The following POLR3E variants were observed in gnomAD, a reference collection of about 807,000 sequenced individuals.
The protein encoded by POLR3E is DNA-directed RNA polymerase III subunit RPC5.
Under a neutral mutation model 96.6 loss-of-function variants are expected in POLR3E, and 41 were observed. The observed-to-expected ratio is 0.42, with a 90% confidence interval of 0.33 to 0.55. POLR3E has a LOEUF of 0.55. Ranked by LOEUF, POLR3E falls within the 20% of genes least tolerant of loss-of-function variation. POLR3E has a pLI of 0.06. For missense variants in POLR3E, 849 were observed against 952.1 expected, an observed-to-expected ratio of 0.89 and a Z score of 1.43; for synonymous variants, 396 against 383.6, an observed-to-expected ratio of 1.03 and a Z score of -0.38.
chr16:22,329,461 C>T (rs899538038), intron 19 of POLR3E, among the ~76,000 whole-genome samples: 5 of 152,006 alleles, frequency 3.3e-5, no homozygotes, highest in Middle Eastern at 3.2e-3. Flanking sequence ...ATTTGATGGT[C>T]GAAACGCCAG....
intron 18 of POLR3E, chr16:22,328,057 A>G (rs1030912418): frequency 2.9e-5 from 5 of 169,966 alleles, no homozygotes; most frequent in Admixed American, 2.4e-4. Flanking sequence ...GACATGGTAC[A>G]TGTGGGAAGC....
chr16:22,310,440 C>T (rs1432213176), intron 6 of POLR3E: 2 of 152,132 alleles, frequency 1.3e-5, no homozygotes, highest in Middle Eastern at 3.1e-3. Context: ...ACATGCACCA[C>T]CACACCTGGC....
chr16:22,298,628 A>G (rs1029339884), intron 1 of POLR3E, among the ~76,000 whole-genome samples: 5 of 152,214 alleles, frequency 3.3e-5, no homozygotes, highest in East Asian at 1.9e-4. Context: ...GCCGTTTATC[A>G]GAAAACCGTG....
At chr16:22,302,780 T>C in intron 1 of POLR3E, 151 bp from the exon 2 acceptor site, 2 of 689,424 alleles carry the variant, frequency 2.9e-6, no homozygotes, top group Non-Finnish European at 5.3e-6. Flanking sequence ...ATAGGGTTGG[T>C]CATCCATTGT....
chr16:22,305,560 T>C, intron 3 of POLR3E: 1 of 487,764 alleles, frequency 2.1e-6, no homozygotes. Context: ...TGATAATGCC[T>C]GCCTCATAGG....
rs1428620934 is a variant in POLR3E at position 22,310,087 on chromosome 16, A to G, written c.364+577A>G. 1.9e-5 allele frequency: 3 copies of G among 155,798 alleles called. No individual in the cohort carries two copies. The South Asian group carries it at 5.9e-4, about 31-fold the overall frequency. The allele number at this position is 155,798 out of a possible 1,614,324, so 9.7% of individuals were successfully genotyped here. On this transcript the variant is annotated intron_variant, in intron 6 of 20. Transcript: ENST00000299853. ...CCTTGAGAACATTGTGCTAAGTGAA[A>G]GAAGCCACATGCTTCTTCACTCGCA...
chr16:22,325,808 A>C lies in POLR3E; in HGVS notation c.1396A>C (p.Thr466Pro). The part of the protein sequence containing the change: ...CGDQRIQVAK[T>P]KAQQNHALLE... ...GGACCAGCGGATCCAAGTAGCCAAA[A>C]CCAAGGCCCAGCAGAACCACGCGTT... The change falls in exon 18 of 21, where the codon ACC becomes CCC. Residue 466 changes from threonine to proline, a missense_variant. Thr to Pro is a conservative substitution (Grantham distance 38). Transcript: ENST00000299853. 2 of 1,604,956 alleles carry C rather than the reference A, an allele frequency of 1.2e-6. No individual in the cohort carries two copies. The highest frequency in any genetic ancestry group is 1.7e-6 in the Non-Finnish European group (2 of 1,176,074).
intron 3 of POLR3E, among the ~76,000 whole-genome samples, chr16:22,307,350 T>A (rs1453273298): frequency 2.6e-5 from 4 of 152,092 alleles, no homozygotes; most frequent in African/African-American, 9.7e-5. Flanking sequence ...TTTTAGGAAA[T>A]GACCGTCTCC....
chr16:22,303,889 G>T (rs948881678), intron 2 of POLR3E, among the ~76,000 whole-genome samples: 4 of 141,682 alleles, frequency 2.8e-5, no homozygotes, highest in Non-Finnish European at 6.0e-5. Context: ...TTGGCTCACC[G>T]CAGTCTCTGC....
intron 18 of POLR3E, chr16:22,326,589 G>A (rs1487079159): frequency 1.2e-5 from 6 of 492,660 alleles, no homozygotes; most frequent in African/African-American, 1.9e-5. Context: ...CCCCCACCAA[G>A]AACACCTGTT....
chr16:22,316,810 C>A, intron 10 of POLR3E, 124 bp downstream of exon 10: 1 of 987,782 alleles, frequency 1.0e-6, no homozygotes, highest in Non-Finnish European at 1.6e-6. Flanking sequence ...CCATTGTCCC[C>A]TGGAGAAGGC....
chr16:22,333,515 T>C lies in POLR3E; in HGVS notation c.2071-129T>C, dbSNP rs982331135. 2.5e-5 allele frequency: 17 copies of C among 674,602 alleles called. No homozygotes were observed. In the African/African-American group the frequency reaches 2.8e-4, roughly 11 times the overall value. 41.8% of individuals were successfully genotyped at this position (674,602 alleles called of 1,614,324 possible). A position where few individuals can be genotyped will look rare whatever the true frequency, so the allele number is the denominator to read the frequency against. On this transcript the variant is annotated intron_variant, in intron 20 of 20. Coordinates refer to ENST00000299853, the MANE Select transcript of POLR3E (RefSeq NM_018119.4). ...GCTGGTAGTAGCCATGGTGGTATGGTTAGGCAGTTTTTGATTTCCCATTTG... is the reference window on the plus strand; with the variant it reads ...GCTGGTAGTAGCCATGGTGGTATGGCTAGGCAGTTTTTGATTTCCCATTTG...
rs780743552 is a variant in POLR3E, at chr16:22,326,297, G to T, written c.1866+19G>T. 8.1e-4 allele frequency: 479 copies of T among 588,692 alleles called. 1 individual carries two copies. Among genetic ancestry groups the T allele is most frequent in the Non-Finnish European group, 1.4e-3 (461 of 339,518 alleles). 36.5% of individuals were successfully genotyped at this position (588,692 alleles called of 1,614,324 possible). On this transcript the variant is annotated intron_variant, in intron 18 of 20. Transcript: ENST00000299853. ...GGTGCCTGTAAGTAGAGCCCTGCCT[G>T]CCAGGGGCATGGGGGGTGGGGGGTG...
At chr16:22,326,761 T>C (rs2048604123) in intron 18 of POLR3E, 1 of 192,202 alleles carries the variant, frequency 5.2e-6, no homozygotes, top group Non-Finnish European at 1.1e-5. Flanking sequence ...CTCAGTATAG[T>C]GGCCTGGAGT....
chr16:22,307,261 C>G (rs1224056762), intron 3 of POLR3E, among the ~76,000 whole-genome samples: 1 of 152,200 alleles, frequency 6.6e-6, no homozygotes, highest in South Asian at 2.1e-4. Context: ...TTCCCACCCC[C>G]AGTCAGGTGA....
chr16:22,325,406 C>G lies in POLR3E; in HGVS notation c.1348+140C>G, dbSNP rs776855129. 1.3e-3 allele frequency: 1,002 copies of G among 748,474 alleles called. 11 individuals carry two copies. The highest frequency in any genetic ancestry group is 3.3e-4 in the Middle Eastern group (1 of 3,044). 46.4% of individuals were successfully genotyped at this position (748,474 alleles called of 1,614,324 possible). ...TTCACCCTTCACCCTCCTTCCTTTC[C>G]TGCCACCCACAGACCGCAGCTGGTC... On this transcript the variant is annotated intron_variant, in intron 17 of 20. Transcript: ENST00000299853.
chr16:22,317,289 G>A (rs2048377406), intron 12 of POLR3E, 83 bp downstream of exon 12: 1 of 1,016,328 alleles, frequency 9.8e-7, no homozygotes, highest in Non-Finnish European at 1.5e-6. Flanking sequence ...GTGAGGACCA[G>A]GGGACAAGGC....
At chr16:22,306,327 C>A (rs570551902) in intron 3 of POLR3E, among the ~76,000 whole-genome samples, 2 of 152,126 alleles carry the variant, frequency 1.3e-5, no homozygotes, top group African/African-American at 4.8e-5. Flanking sequence ...GGCTTGATTG[C>A]GGCTCACCAC....
chr16:22,323,597 C>T (rs1033089529), intron 14 of POLR3E, among the ~76,000 whole-genome samples: 1 of 152,156 alleles, frequency 6.6e-6, no homozygotes, highest in Non-Finnish European at 1.5e-5. Context: ...GCATCTGCCT[C>T]TTCTCTTCCT....
Sources: gnomAD v4.1 joint callset for allele counts (sites outside exome capture counted in the v4.1 genomes callset) on GRCh38, gnomAD v4.1.1 for gene constraint, MANE v1.5 for transcripts, NCBI Gene and HGNC (gene_info 2026-07-23, HGNC 2026-07-21) for gene names.